The following DNAH8 variants were observed in gnomAD, a reference collection of about 807,000 sequenced individuals.
DNAH8 encodes dynein axonemal heavy chain 8, also known as axonemal beta dynein heavy chain 8.
A neutral mutation model predicts 562.1 loss-of-function variants in DNAH8; 382 were observed. That is an observed-to-expected ratio of 0.68 (90% confidence interval 0.63 to 0.74). The LOEUF is 0.74. DNAH8 is among the 30% of genes least tolerant of loss of function. The pLI, the probability that DNAH8 is intolerant of heterozygous loss-of-function variation, is 0.00. For synonymous variants in DNAH8, 1,881 were observed against 1,919.4 expected, an observed-to-expected ratio of 0.98 and a Z score of 0.52; for missense variants, 5,203 against 5,620.4, an observed-to-expected ratio of 0.93 and a Z score of 2.37.
chr6:38,746,989 C>G (rs983017798), intron 8 of DNAH8, among the ~76,000 whole-genome samples: 1 of 151,636 alleles, frequency 6.6e-6, no homozygotes, highest in South Asian at 2.1e-4. Context: ...TAGAATTGCC[C>G]TTTTCTTCTA....
chr6:38,987,010 G>A (rs1764444388), intron 87 of DNAH8, among the ~76,000 whole-genome samples: 1 of 152,246 alleles, frequency 6.6e-6, no homozygotes, highest in Non-Finnish European at 1.5e-5. Context: ...ACATCTAAGT[G>A]CTCAGTAAAT....
At chr6:38,796,617 A>G (rs756788603) in intron 21 of DNAH8, among the ~76,000 whole-genome samples, 72 of 152,288 alleles carry the variant, frequency 4.7e-4, no homozygotes, top group Non-Finnish European at 6.8e-4. Context: ...CAGACATTGT[A>G]TGGAAAAGCA....
At chr6:38,808,152 C>T (rs1049765895) in intron 24 of DNAH8, among the ~76,000 whole-genome samples, 1 of 152,178 alleles carries the variant, frequency 6.6e-6, no homozygotes, top group Non-Finnish European at 1.5e-5. Context: ...TATACGTAGT[C>T]TGTTTATCCA....
At chr6:38,735,732 A>T (rs1436651519) in intron 5 of DNAH8, among the ~76,000 whole-genome samples, 1 of 152,184 alleles carries the variant, frequency 6.6e-6, no homozygotes, top group Non-Finnish European at 1.5e-5. Flanking sequence ...ATAACCGAAA[A>T]ACTGACTTCT....
intron 15 of DNAH8, among the ~76,000 whole-genome samples, chr6:38,780,696 G>A (rs1768497648): frequency 1.3e-5 from 2 of 152,248 alleles, no homozygotes; most frequent in Non-Finnish European, 2.9e-5. Flanking sequence ...ACTGGAGGGT[G>A]GGAGAAGGGA....
intron 66 of DNAH8, among the ~76,000 whole-genome samples, chr6:38,913,354 A>C (rs567058626): frequency 1.3e-5 from 2 of 152,334 alleles, no homozygotes; most frequent in Admixed American, 6.5e-5. Flanking sequence ...TCAGTTAACC[A>C]GTTCTTTTTC....
At chr6:38,945,199 A>G (rs1761287277) in intron 79 of DNAH8, among the ~76,000 whole-genome samples, 1 of 152,202 alleles carries the variant, frequency 6.6e-6, no homozygotes, top group Non-Finnish European at 1.5e-5. Context: ...AAAAGCAAAC[A>G]AATATAATCA....
At chr6:38,739,228 A>G (rs765047041) in intron 7 of DNAH8, among the ~76,000 whole-genome samples, 9 of 152,034 alleles carry the variant, frequency 5.9e-5, no homozygotes, top group Non-Finnish European at 1.3e-4. Context: ...GTCATGTTTC[A>G]TTTGGTATAG....
At chr6:38,721,137 C>A (rs1163552978) in intron 1 of DNAH8, among the ~76,000 whole-genome samples, 2 of 151,992 alleles carry the variant, frequency 1.3e-5, no homozygotes, top group East Asian at 1.9e-4. Flanking sequence ...CAGAGTGAAA[C>A]CCTGTCTCTA....
At chr6:38,811,134 A>G (rs1771756313) in intron 24 of DNAH8, among the ~76,000 whole-genome samples, 1 of 152,328 alleles carries the variant, frequency 6.6e-6, no homozygotes, top group Admixed American at 6.5e-5. Context: ...GAGGGTTTAT[A>G]GCTTTCCTTA....
intron 12 of DNAH8, among the ~76,000 whole-genome samples, chr6:38,772,996 T>TTTTTTTTTTTTTGTTG (rs1554205957): frequency 1.5e-4 from 16 of 109,978 alleles, no homozygotes; most frequent in African/African-American, 5.7e-4. Flanking sequence ...TTTTTTTTTT[T>TTTTTTTTTTTTTGTTG]TTGTAGAGAT....
chr6:38,857,521 G>A lies in DNAH8; in HGVS notation c.5737G>A (p.Gly1913Arg), dbSNP rs770385236. The A allele has an allele frequency of 1.2e-6, 2 of 1,603,714 alleles. No individual in the cohort carries two copies. The highest frequency in any genetic ancestry group is 3.4e-5 in the Admixed American group (2 of 59,240). The change falls in exon 42 of 93, where the codon GGA becomes AGA. Residue 1913 changes from glycine to arginine, a missense_variant. Gly to Arg is a moderately radical substitution (Grantham distance 125, BLOSUM62 -2). Around this residue, in one of 6 missense-constraint regions of DNAH8, gnomAD observed 2,176 missense variants for 2,365.1 expected, o/e 0.92. Transcript: ENST00000327475. The part of the protein sequence containing the change: ...PFLSHFPAQV[G>R]LLGIQMLWTH... ...TATTTTTCTGCTGGATCTGTAGGTT[G>A]GACTTCTGGGAATTCAGATGTTGTG...
intron 49 of DNAH8, among the ~76,000 whole-genome samples, chr6:38,872,276 C>T (rs1006320625): frequency 6.6e-6 from 1 of 152,154 alleles, no homozygotes; most frequent in African/African-American, 2.4e-5. Context: ...ACGCAAGAAG[C>T]AAAAACTAGA....
At chr6:38,882,846 T>C in intron 53 of DNAH8, 64 bp from the exon 54 acceptor site, 1 of 1,152,448 alleles carries the variant, frequency 8.7e-7, no homozygotes, top group Non-Finnish European at 1.2e-6. Flanking sequence ...TTAACATTTT[T>C]GTATTATGAG....
intron 85 of DNAH8, among the ~76,000 whole-genome samples, chr6:38,979,078 T>C (rs1348528675): frequency 6.6e-6 from 1 of 152,234 alleles, no homozygotes; most frequent in Non-Finnish European, 1.5e-5. Flanking sequence ...GTCTGCAGCC[T>C]TTTTCTCCAC....
At chr6:38,802,423 T>C (rs987894467) in intron 21 of DNAH8, among the ~76,000 whole-genome samples, 3 of 152,222 alleles carry the variant, frequency 2.0e-5, no homozygotes, top group African/African-American at 4.8e-5. Context: ...TTCTTTGTCC[T>C]AAAATGAGTG....
chr6:38,748,517 A>G (rs1017732239), intron 8 of DNAH8, among the ~76,000 whole-genome samples: 1 of 151,836 alleles, frequency 6.6e-6, no homozygotes, highest in African/African-American at 2.4e-5. Flanking sequence ...TGCTGAGTAG[A>G]CCTCTCCATT....
intron 81 of DNAH8, 135 bp from the exon 82 acceptor site, chr6:38,951,183 C>A: frequency 1.3e-6 from 1 of 744,526 alleles, no homozygotes; most frequent in Non-Finnish European, 2.2e-6. Context: ...CCTTGCCATT[C>A]CTCTTACTTA....
chr6:38,958,304 C>T (rs112356455), intron 82 of DNAH8, among the ~76,000 whole-genome samples: 6,291 of 150,696 alleles, frequency 0.042, 286 homozygotes, highest in African/African-American at 0.11. Context: ...CGCGCCCGGC[C>T]GATAGAAATT....
Sources: allele counts gnomAD v4.1 joint callset (sites outside exome capture counted in the v4.1 genomes callset), GRCh38; gene constraint gnomAD v4.1.1; regional missense constraint gnomAD v4.1.1; transcripts MANE v1.5; gene names NCBI Gene and HGNC (gene_info 2026-07-23, HGNC 2026-07-21).